RABGAP1L: variants seen among roughly 807,000 people sequenced by gnomAD.
RABGAP1L encodes the protein rab GTPase-activating protein 1-like.
A neutral mutation model predicts 137.7 loss-of-function variants in RABGAP1L; 63 were observed. The ratio of observed to expected loss-of-function variants is 0.46; its 90% CI spans 0.37 to 0.56. RABGAP1L has a LOEUF of 0.56. RABGAP1L is among the 20% of genes least tolerant of loss of function. The pLI is 0.00. For missense variants in RABGAP1L, 1,095 were observed against 1,244.0 expected (o/e 0.88, Z 1.80); for synonymous variants, 431 against 433.7 (o/e 0.99, Z 0.08).
chr1:174,628,352 G>C (rs1242310906), intron 13 of RABGAP1L, among the ~76,000 whole-genome samples: 1 of 152,084 alleles, frequency 6.6e-6, no homozygotes, highest in African/African-American at 2.4e-5. Context: ...TAGGTATACA[G>C]ATACAGAAGG....
At chr1:174,523,862 T>G (rs574196323) in intron 13 of RABGAP1L, among the ~76,000 whole-genome samples, 40 of 152,312 alleles carry the variant, frequency 2.6e-4, no homozygotes, top group African/African-American at 8.9e-4. Context: ...TTTGTAGCTT[T>G]CACATATGAG....
At chr1:174,849,503 C>G (rs1341895322) in intron 19 of RABGAP1L, among the ~76,000 whole-genome samples, 2 of 152,024 alleles carry the variant, frequency 1.3e-5, no homozygotes, top group Non-Finnish European at 2.9e-5. Flanking sequence ...TAAAAGAAAA[C>G]AAAATACATT....
At chr1:174,211,780 G>A (rs1668908243) in intron 1 of RABGAP1L, among the ~76,000 whole-genome samples, 1 of 151,920 alleles carries the variant, frequency 6.6e-6, no homozygotes, top group East Asian at 1.9e-4. Flanking sequence ...ATAAAAGGAT[G>A]GAAAAAGATA....
At chr1:174,257,158 A>C (rs1673207500) in intron 7 of RABGAP1L, among the ~76,000 whole-genome samples, 1 of 152,214 alleles carries the variant, frequency 6.6e-6, no homozygotes, top group African/African-American at 2.4e-5. Flanking sequence ...ACATGCCTGC[A>C]TCATTTTTTT....
intron 1 of RABGAP1L, among the ~76,000 whole-genome samples, chr1:174,199,710 T>A (rs1489014602): frequency 6.6e-6 from 1 of 152,214 alleles, no homozygotes; most frequent in Non-Finnish European, 1.5e-5. Context: ...TCTCTAACGG[T>A]CTTTTGAAAA....
chr1:174,964,274 A>G (rs1434822604), intron 20 of RABGAP1L, among the ~76,000 whole-genome samples: 1 of 152,216 alleles, frequency 6.6e-6, no homozygotes, highest in Non-Finnish European at 1.5e-5. Flanking sequence ...AGTCTTTAAA[A>G]GCATGTGCCA....
chr1:174,218,033 G>A (rs1392538971), intron 1 of RABGAP1L, among the ~76,000 whole-genome samples: 2 of 152,066 alleles, frequency 1.3e-5, no homozygotes, highest in African/African-American at 2.4e-5. Flanking sequence ...ACAAGGTCCC[G>A]TGTTCTTTAG....
chr1:174,196,927 A>G (rs1475761634), intron 1 of RABGAP1L, among the ~76,000 whole-genome samples: 1 of 152,156 alleles, frequency 6.6e-6, no homozygotes, highest in Non-Finnish European at 1.5e-5. Flanking sequence ...TAGTCTTAGC[A>G]TAAGGTGGAA....
chr1:174,360,761 C>A (rs890089600), intron 11 of RABGAP1L, among the ~76,000 whole-genome samples: 18 of 152,142 alleles, frequency 1.2e-4, no homozygotes, highest in Admixed American at 9.2e-4. Flanking sequence ...CCCATAAATT[C>A]TTGATTTTTA....
At chr1:174,262,549 A>G (rs1010525056) in intron 7 of RABGAP1L, among the ~76,000 whole-genome samples, 1 of 152,208 alleles carries the variant, frequency 6.6e-6, no homozygotes, top group Non-Finnish European at 1.5e-5. Context: ...CTATGGTAAC[A>G]TCTTACATAA....
At chr1:174,563,765 C>T (rs1203526920) in intron 13 of RABGAP1L, among the ~76,000 whole-genome samples, 1 of 152,044 alleles carries the variant, frequency 6.6e-6, no homozygotes, top group Non-Finnish European at 1.5e-5. Context: ...TCCAGTGGCA[C>T]AGAATATACC....
chr1:174,182,929 C>T (rs1291980241), intron 1 of RABGAP1L, among the ~76,000 whole-genome samples: 1 of 152,088 alleles, frequency 6.6e-6, no homozygotes, highest in Admixed American at 6.5e-5. Context: ...TTATAGAAAA[C>T]CAGAAATAAC....
chr1:174,851,529 T>C (rs1455149406), intron 19 of RABGAP1L, among the ~76,000 whole-genome samples: 1 of 152,118 alleles, frequency 6.6e-6, no homozygotes, highest in Non-Finnish European at 1.5e-5. Context: ...GCCATTTCTT[T>C]CTTTTTTTTT....
chr1:174,221,543 C>T (rs2148471248), intron 3 of RABGAP1L, among the ~76,000 whole-genome samples: 1 of 152,302 alleles, frequency 6.6e-6, no homozygotes, highest in African/African-American at 2.4e-5. Context: ...TTAGTAAAAA[C>T]TCTAAGTAAA....
intron 12 of RABGAP1L, among the ~76,000 whole-genome samples, chr1:174,384,194 T>A (rs995755602): frequency 6.6e-6 from 1 of 152,248 alleles, no homozygotes; most frequent in Non-Finnish European, 1.5e-5. Context: ...ACTATGTTAT[T>A]CCATTTGTAT....
chr1:174,278,745 CTT>C lies in RABGAP1L; in HGVS notation c.1291_1292del (p.Phe431HisfsTer12). 1 of 1,583,260 alleles carries C rather than the reference CTT, an allele frequency of 6.3e-7. No homozygotes were observed. The highest frequency in any genetic ancestry group is 8.5e-7 in the Non-Finnish European group (1 of 1,169,742). On this transcript the variant is annotated frameshift_variant, in exon 10 of 26. Transcript: ENST00000681986. LOFTEE classifies it high-confidence loss of function. ...CGATTTTGGTATTTCAGCAGAAAGA[CTT>C]TCACAGAGACTTTCTTCATGAGATT...
chr1:174,217,139 G>A (rs1041520952), intron 1 of RABGAP1L, among the ~76,000 whole-genome samples: 1 of 152,148 alleles, frequency 6.6e-6, no homozygotes, highest in Non-Finnish European at 1.5e-5. Context: ...GTGAATCAAG[G>A]ATGATATCCA....
intron 19 of RABGAP1L, among the ~76,000 whole-genome samples, chr1:174,826,586 A>G (rs1204401699): frequency 6.6e-6 from 1 of 152,200 alleles, no homozygotes; most frequent in Non-Finnish European, 1.5e-5. Context: ...CTTTGCTGTT[A>G]TGAATAGCTT....
chr1:174,425,680 T>G (rs970193327), intron 13 of RABGAP1L, among the ~76,000 whole-genome samples: 1 of 152,066 alleles, frequency 6.6e-6, no homozygotes, highest in Non-Finnish European at 1.5e-5. Flanking sequence ...ATTTTATTAA[T>G]GATGCGGTTT....
Sources: allele counts gnomAD v4.1 joint callset (sites outside exome capture counted in the v4.1 genomes callset), GRCh38; gene constraint gnomAD v4.1.1; transcripts MANE v1.5; gene names NCBI Gene and HGNC (gene_info 2026-07-23, HGNC 2026-07-21).